Variants in TMEM260 observed in about 807,000 individuals in gnomAD.
TMEM260 encodes protein O-mannosyl-transferase TMEM260.
In TMEM260, 82 loss-of-function variants were observed where a neutral mutation model predicts 88.9. That is an observed-to-expected ratio of 0.92 (90% CI 0.77 to 1.11). TMEM260 has a LOEUF of 1.11. TMEM260 is among the 50% of genes least tolerant of loss of function. The pLI, the probability that TMEM260 is intolerant of heterozygous loss-of-function variation, is 0.00. For synonymous variants in TMEM260, 314 were observed against 309.3 expected, an observed-to-expected ratio of 1.02 and a Z score of -0.16; for missense variants, 902 against 853.4, an observed-to-expected ratio of 1.06 and a Z score of -0.71.
intron 7 of TMEM260, 167 bp downstream of exon 7, chr14:56,612,452 C>T: frequency 3.2e-6 from 2 of 632,960 alleles, no homozygotes; most frequent in Non-Finnish European, 5.5e-6. Context: ...CCTCAGTATC[C>T]ATGGGGTATT....
the TMEM260 span, among the ~76,000 whole-genome samples, chr14:56,657,751 C>T: frequency 6.6e-6 from 1 of 152,200 alleles, no homozygotes; most frequent in African/African-American, 2.4e-5. Flanking sequence ...GAGATGTCTG[C>T]ATTTCATTCT....
At chr14:56,632,928 A>C (rs1017194678) in intron 12 of TMEM260, 67 bp from the exon 13 acceptor site, 25 of 1,412,046 alleles carry the variant, frequency 1.8e-5, no homozygotes, top group Admixed American at 1.0e-4. Flanking sequence ...TCTTTCATGA[A>C]TTATATTTAC....
chr14:56,655,707 T>C, the TMEM260 span, among the ~76,000 whole-genome samples: 1 of 152,160 alleles, frequency 6.6e-6, no homozygotes, highest in Non-Finnish European at 1.5e-5. Context: ...TCCCATGAAA[T>C]CCCTTAATAA....
At chr14:56,584,866 T>C in intron 1 of TMEM260, 135 bp from the exon 2 acceptor site, 1 of 670,108 alleles carries the variant, frequency 1.5e-6, no homozygotes, top group East Asian at 2.7e-5. Context: ...TTTCATGCTG[T>C]TAAATCTCTA....
At position 56,615,926 on chromosome 14, in the gene TMEM260, T is replaced by G. The variant is rs202017166; in HGVS notation, c.858-18T>G. 9.4e-5 allele frequency: 148 copies of G among 1,571,136 alleles called. No homozygotes were observed. The African/African-American group carries it at 1.9e-3, about 20-fold the overall frequency. On this transcript the variant is annotated intron_variant, in intron 7 of 15. Coordinates refer to ENST00000261556, the MANE Select transcript of TMEM260 (RefSeq NM_017799.4). ...AAATTTGTTTCCTGCCAACAATAAG[T>G]TAGATTGTTTTTTGCAGTTCTCAAG... is the stretch of plus-strand genomic sequence containing the variant.
chr14:56,657,436 C>T, the TMEM260 span, among the ~76,000 whole-genome samples: 1 of 151,284 alleles, frequency 6.6e-6, no homozygotes, highest in African/African-American at 2.5e-5. Flanking sequence ...AGCCACCATG[C>T]CCATCCCATT....
At chr14:56,638,612 A>T (rs1952589) in intron 15 of TMEM260, among the ~76,000 whole-genome samples, 2 of 151,834 alleles carry the variant, frequency 1.3e-5, no homozygotes, top group Admixed American at 6.6e-5. Context: ...CATAGTCTCC[A>T]GATGTGTGAC....
chr14:56,618,767 A>G lies in TMEM260; in HGVS notation c.1226+4A>G, dbSNP rs761875479. Reference sequence around the variant, plus strand: ...ACCAAATATATTCTAATTACAGGTAATACATGGTTATTTTTATGAAAAGTA... The same window carrying G: ...ACCAAATATATTCTAATTACAGGTAGTACATGGTTATTTTTATGAAAAGTA... On this transcript the variant is annotated splice_donor_region_variant and intron_variant, in intron 10 of 15. Coordinates refer to ENST00000261556, the MANE Select transcript of TMEM260 (RefSeq NM_017799.4). 6.8e-6 allele frequency: 11 copies of G among 1,612,246 alleles called. No individual in the cohort carries two copies. Among genetic ancestry groups the G allele is most frequent in the Non-Finnish European group, 8.5e-6 (10 of 1,178,856 alleles).
chr14:56,641,085 C>T (rs1889557561), intron 15 of TMEM260, among the ~76,000 whole-genome samples: 1 of 151,376 alleles, frequency 6.6e-6, no homozygotes. Context: ...AGTTGGAAAA[C>T]ACTCTGCAGG....
intron 7 of TMEM260, among the ~76,000 whole-genome samples, chr14:56,614,374 C>T (rs1311077249): frequency 1.3e-5 from 2 of 151,714 alleles, no homozygotes; most frequent in Non-Finnish European, 2.9e-5. Context: ...GACTCTGTCT[C>T]AAAAAATAAA....
intron 12 of TMEM260, among the ~76,000 whole-genome samples, 169 bp from the exon 13 acceptor site, chr14:56,632,826 T>G (rs187767611): frequency 6.6e-6 from 1 of 152,290 alleles, no homozygotes; most frequent in African/African-American, 2.4e-5. Flanking sequence ...TTGCCATACC[T>G]CTTTCACAAG....
intron 1 of TMEM260, among the ~76,000 whole-genome samples, chr14:56,582,211 A>T (rs1331051829): frequency 6.6e-6 from 1 of 152,232 alleles, no homozygotes; most frequent in African/African-American, 2.4e-5. Context: ...TCTCAAAACC[A>T]GTATAAAGCA....
intron 11 of TMEM260, 58 bp downstream of exon 11, chr14:56,621,760 G>GA (rs1887937580): frequency 2.1e-6 from 3 of 1,454,186 alleles, no homozygotes; most frequent in South Asian, 2.7e-5. Context: ...ATATGTTTTG[G>GA]AAAAAACATC....
At chr14:56,581,812 C>G (rs1885155682) in intron 1 of TMEM260, among the ~76,000 whole-genome samples, 1 of 152,154 alleles carries the variant, frequency 6.6e-6, no homozygotes, top group Non-Finnish European at 1.5e-5. Context: ...CAGAATATGC[C>G]CCCTTAACCT....
At chr14:56,598,985 A>G (rs901174430) in intron 3 of TMEM260, among the ~76,000 whole-genome samples, 3 of 152,194 alleles carry the variant, frequency 2.0e-5, no homozygotes, top group African/African-American at 4.8e-5. Flanking sequence ...ATCTTGCTTA[A>G]CTGGCCTGTT....
intron 3 of TMEM260, among the ~76,000 whole-genome samples, chr14:56,595,484 AT>A (rs1343075687): frequency 6.6e-6 from 1 of 151,886 alleles, no homozygotes; most frequent in African/African-American, 2.4e-5. Context: ...ATTTTATTTT[AT>A]TTTCTTTTTT....
intron 5 of TMEM260, among the ~76,000 whole-genome samples, chr14:56,606,851 C>T (rs1211380969): frequency 4.6e-5 from 7 of 152,128 alleles, no homozygotes. Flanking sequence ...GCCGATATCG[C>T]GCCACTGCGC....
intron 15 of TMEM260, among the ~76,000 whole-genome samples, chr14:56,645,617 C>T (rs938320665): frequency 3.7e-5 from 5 of 135,552 alleles, no homozygotes; most frequent in Non-Finnish European, 8.4e-5. Context: ...ACGTTGTGCA[C>T]ATGTACCCTA....
chr14:56,615,908 T>A, intron 7 of TMEM260, 36 bp from the exon 8 acceptor site: 1 of 1,432,156 alleles, frequency 7.0e-7, no homozygotes, highest in Admixed American at 1.7e-5. Context: ...ATCAAATTTG[T>A]TTCCTGCCAA....
Sources: allele counts gnomAD v4.1 joint callset (sites outside exome capture counted in the v4.1 genomes callset), GRCh38; gene constraint gnomAD v4.1.1; transcripts MANE v1.5; gene names NCBI Gene and HGNC (gene_info 2026-07-23, HGNC 2026-07-21).